Variants in FRMPD4 observed in about 807,000 individuals in gnomAD.
FRMPD4 encodes FERM and PDZ domain containing 4.
FRMPD4 carries 22 observed loss-of-function variants against 94.1 expected under a neutral mutation model. The ratio of observed to expected loss-of-function variants is 0.23; its 90% CI spans 0.17 to 0.33. The LOEUF (loss-of-function observed/expected upper bound fraction) is 0.33. Among genes scored for constraint, FRMPD4 ranks in the 10% least tolerant of loss-of-function variants. The pLI is 1.00. For synonymous variants in FRMPD4, 631 were observed against 548.6 expected, an observed-to-expected ratio of 1.15 and a Z score of -2.10; for missense variants, 1,111 against 1,339.9, an observed-to-expected ratio of 0.83 and a Z score of 2.67.
At chrX:12,164,164 T>G (rs1369492075) in intron 1 of FRMPD4, among the ~76,000 whole-genome samples, 1 of 111,130 alleles carries the variant, frequency 9.0e-6, no homozygotes, top group Non-Finnish European at 1.9e-5. Flanking sequence ...ATCATTTACA[T>G]TAGGTATATC....
chrX:12,368,023 T>C (rs1429121945), intron 1 of FRMPD4, among the ~76,000 whole-genome samples: 1 of 111,853 alleles, frequency 8.9e-6, no homozygotes, highest in African/African-American at 3.3e-5. Flanking sequence ...TCTGTGGAGA[T>C]GATGCCTCTA....
chrX:12,356,220 T>C (rs1215437741), intron 1 of FRMPD4, among the ~76,000 whole-genome samples: 1 of 112,220 alleles, frequency 8.9e-6, no homozygotes, highest in Non-Finnish European at 1.9e-5. Flanking sequence ...AAGCCAGCTT[T>C]GCGGGGCTGC....
At position 12,076,327 on chromosome X, in the gene FRMPD4, C is replaced by CGTGTGTGTGTGT. The variant is rs34558552; in HGVS notation, c.95+198328_95+198339dup. 5.8e-3 allele frequency among the ~76,000 whole-genome samples: 566 copies of CGTGTGTGTGTGT among 98,132 alleles called. 6 individuals carry two copies. Among genetic ancestry groups the CGTGTGTGTGTGT allele is most frequent in the African/African-American group, 0.02 (538 of 26,365 alleles). The allele number at this position is 98,132 out of a possible 115,157, so 85.2% of individuals were successfully genotyped here. ...AACTGCAGCTTAAACCCTAGCAAAA[C>CGTGTGTGTGTGT]GTGTGTGTGTGTGTGTGTGTGTGTG... On this transcript the variant is annotated intron_variant, in intron 3 of 18. Coordinates refer to the FRMPD4 transcript ENST00000640291.
intron 3 of FRMPD4, among the ~76,000 whole-genome samples, chrX:11,998,593 A>G (rs770204767): frequency 9.0e-6 from 1 of 111,400 alleles, no homozygotes; most frequent in East Asian, 2.8e-4. Context: ...AATCTAGACC[A>G]TGGCCTTACT....
intron 3 of FRMPD4, among the ~76,000 whole-genome samples, chrX:12,019,759 C>G: frequency 9.0e-6 from 1 of 110,911 alleles, no homozygotes; most frequent in Non-Finnish European, 1.9e-5. Flanking sequence ...ACCCATCTAT[C>G]AAGGCCAAGT....
In FRMPD4 at chrX:12,174,603, GC is replaced by G. The variant is rs1273638053; in HGVS notation, c.41+35592del. 6.3e-5 allele frequency among the ~76,000 whole-genome samples: 7 copies of G among 111,773 alleles called. No individual in the cohort carries two copies. The South Asian group carries it at 1.9e-3, about 31-fold the overall frequency. ...CTCTGGGACCCTTTGTGCTACTCTA[GC>G]AAACCACATCTGGTCAAGTATCTGT... On this transcript the variant is annotated intron_variant, in intron 1 of 16. Coordinates refer to ENST00000675598, the MANE Select transcript of FRMPD4 (RefSeq NM_001368397.1).
At chrX:12,116,605 G>A (rs2030878) in intron 3 of FRMPD4, among the ~76,000 whole-genome samples, 17,119 of 110,899 alleles carry the variant, frequency 0.15, 987 homozygotes, top group South Asian at 0.33. Flanking sequence ...TAGATGCACA[G>A]GAGAAGAGTT....
Position 12,033,843 on chromosome X carries a change from A to T in FRMPD4, c.95+155825A>T, listed in dbSNP as rs191632537. On this transcript the variant is annotated intron_variant, in intron 3 of 18. Coordinates refer to the FRMPD4 transcript ENST00000640291. ...CTCCCGAGTAGCTGGGATTACAGGC[A>T]TGTGCCACCACACCCAGCTAATTTT... 5.1e-3 allele frequency among the ~76,000 whole-genome samples: 576 copies of T among 111,967 alleles called. 2 individuals are homozygous for T. The highest frequency in any genetic ancestry group is 0.014 in the Middle Eastern group (3 of 216).
At chrX:12,539,821 A>T (rs2058385388) in intron 2 of FRMPD4, among the ~76,000 whole-genome samples, 1 of 111,139 alleles carries the variant, frequency 9.0e-6, no homozygotes, top group African/African-American at 3.3e-5. Context: ...TTTAGTAGAG[A>T]CGGGTTTTCT....
chrX:12,419,561 CG>C (rs1569269126), intron 1 of FRMPD4, among the ~76,000 whole-genome samples: 1 of 111,499 alleles, frequency 9.0e-6, no homozygotes, highest in Non-Finnish European at 1.9e-5. Context: ...AAAAACTCTT[CG>C]GGGGTCCTCA....
At chrX:11,990,676 C>T (rs2054458694) in intron 3 of FRMPD4, among the ~76,000 whole-genome samples, 1 of 111,400 alleles carries the variant, frequency 9.0e-6, no homozygotes, top group Non-Finnish European at 1.9e-5. Context: ...TTCTTTTCTA[C>T]TTTATTTCAT....
At chrX:11,873,679 C>T (rs781321852) in intron 2 of FRMPD4, among the ~76,000 whole-genome samples, 16 of 105,710 alleles carry the variant, frequency 1.5e-4, no homozygotes, top group African/African-American at 4.8e-4. Context: ...ATAGACTCGA[C>T]GCAATCTCAA....
chrX:11,942,085 T>G (rs2054162849), intron 3 of FRMPD4, among the ~76,000 whole-genome samples: 1 of 112,520 alleles, frequency 8.9e-6, no homozygotes, highest in Non-Finnish European at 1.9e-5. Flanking sequence ...TATACTGTTC[T>G]TTCTCAGTAT....
chrX:12,550,463 T>C (rs1403821907), intron 2 of FRMPD4, among the ~76,000 whole-genome samples: 1 of 111,745 alleles, frequency 8.9e-6, no homozygotes, highest in Non-Finnish European at 1.9e-5. Context: ...TGATATCTAT[T>C]TATTTTTCCC....
intron 8 of FRMPD4, among the ~76,000 whole-genome samples, chrX:12,693,857 C>A (rs1055665515): frequency 9.0e-6 from 1 of 111,668 alleles, no homozygotes; most frequent in South Asian, 3.8e-4. Context: ...CTCAGACTAC[C>A]GGAGCCCATC....
At chrX:12,611,232 CAT>C (rs1235367010) in intron 3 of FRMPD4, among the ~76,000 whole-genome samples, 5 of 110,974 alleles carry the variant, frequency 4.5e-5, no homozygotes, top group African/African-American at 1.6e-4. Context: ...GTAATGGACT[CAT>C]ATTGGATTTA....
chrX:11,965,331 T>A (rs7050989), intron 3 of FRMPD4, among the ~76,000 whole-genome samples: 2,485 of 112,158 alleles, frequency 0.022, 64 homozygotes, highest in African/African-American at 0.077. Context: ...AAGGTTGAAT[T>A]TGGGCTAAAT....
At chrX:12,091,797 T>A (rs1026036292) in intron 3 of FRMPD4, among the ~76,000 whole-genome samples, 2 of 111,881 alleles carry the variant, frequency 1.8e-5, no homozygotes, top group African/African-American at 3.3e-5. Flanking sequence ...AAGGATTATA[T>A]GGTCCCAATG....
At chrX:12,445,654 C>T (rs1440635664) in intron 1 of FRMPD4, among the ~76,000 whole-genome samples, 7 of 112,349 alleles carry the variant, frequency 6.2e-5, no homozygotes, top group East Asian at 2.8e-4. Context: ...AATGCATTCA[C>T]GGTCAACAGC....
Sources: allele counts gnomAD v4.1 joint callset (sites outside exome capture counted in the v4.1 genomes callset), GRCh38; gene constraint gnomAD v4.1.1; transcripts MANE v1.5; gene names NCBI Gene and HGNC (gene_info 2026-07-23, HGNC 2026-07-21).